Variants in ARL8B observed in about 807,000 individuals in gnomAD.
ARL8B encodes the protein ADP-ribosylation factor-like protein 8B.
A neutral mutation model predicts 30.6 loss-of-function variants in ARL8B; 9 were observed. That is an observed-to-expected ratio of 0.29 (90% CI 0.18 to 0.51). The LOEUF (loss-of-function observed/expected upper bound fraction) is 0.51. Ranked by LOEUF, ARL8B falls within the 20% of genes least tolerant of loss-of-function variation. The pLI is 0.97. For missense variants in ARL8B, 130 were observed against 227.2 expected, an observed-to-expected ratio of 0.57 and a Z score of 2.75; for synonymous variants, 74 against 76.0, an observed-to-expected ratio of 0.97 and a Z score of 0.14.
At chr3:5,154,954 C>A (rs6798707) in intron 1 of ARL8B, among the ~76,000 whole-genome samples, 1 of 151,896 alleles carries the variant, frequency 6.6e-6, no homozygotes, top group Non-Finnish European at 1.5e-5. Context: ...AGGCTGGTCT[C>A]GAACTCCTGA....
chr3:5,152,745 G>T (rs1210690705), intron 1 of ARL8B, among the ~76,000 whole-genome samples: 11 of 152,170 alleles, frequency 7.2e-5, no homozygotes, highest in Non-Finnish European at 1.6e-4. Context: ...CTAGGCCTCT[G>T]AAAGTGCTGG....
intron 1 of ARL8B, among the ~76,000 whole-genome samples, chr3:5,137,623 GA>G (rs1405080998): frequency 6.6e-6 from 1 of 152,022 alleles, no homozygotes; most frequent in Non-Finnish European, 1.5e-5. Context: ...ATTTTTAGTA[GA>G]GACAGGGTTT....
At chr3:5,158,498 A>G (rs920810406) in intron 1 of ARL8B, among the ~76,000 whole-genome samples, 4 of 152,162 alleles carry the variant, frequency 2.6e-5, no homozygotes, top group Non-Finnish European at 5.9e-5. Flanking sequence ...GACTGTGGTT[A>G]TCTCCATTTT....
intron 1 of ARL8B, 30 bp downstream of exon 1, chr3:5,122,618 G>C: frequency 1.9e-6 from 3 of 1,579,624 alleles, no homozygotes; most frequent in Non-Finnish European, 2.6e-6. Context: ...CTCGCCCGGG[G>C]CTCCGCAGCC....
chr3:5,175,156 C>T (rs1004672223), intron 6 of ARL8B, among the ~76,000 whole-genome samples: 1 of 151,948 alleles, frequency 6.6e-6, no homozygotes, highest in East Asian at 1.9e-4. Flanking sequence ...CACTTTTAAG[C>T]GAAATGACAT....
At chr3:5,174,470 T>C (rs2054707460) in intron 6 of ARL8B, 56 bp downstream of exon 6, 1 of 1,129,062 alleles carries the variant, frequency 8.9e-7, no homozygotes, top group Admixed American at 1.7e-5. Flanking sequence ...GGAATGTCTA[T>C]GCTTCTTACA....
intron 1 of ARL8B, among the ~76,000 whole-genome samples, chr3:5,127,235 A>T (rs2054238279): frequency 6.6e-6 from 1 of 152,236 alleles, no homozygotes; most frequent in African/African-American, 2.4e-5. Context: ...TTCGTAGCAG[A>T]GATAGAATTA....
intron 1 of ARL8B, among the ~76,000 whole-genome samples, chr3:5,161,070 C>A (rs1214827965): frequency 6.6e-6 from 1 of 152,194 alleles, no homozygotes; most frequent in Non-Finnish European, 1.5e-5. Context: ...CAGGCATGCC[C>A]CATCACACCT....
intron 1 of ARL8B, among the ~76,000 whole-genome samples, chr3:5,135,912 G>C (rs765058432): frequency 1.5e-4 from 22 of 151,076 alleles, no homozygotes; most frequent in Admixed American, 9.9e-4. Flanking sequence ...TCAGCCTCTC[G>C]AGTAGCTGGG....
intron 6 of ARL8B, among the ~76,000 whole-genome samples, chr3:5,176,365 G>A (rs2054729834): frequency 6.6e-6 from 1 of 152,034 alleles, no homozygotes; most frequent in Admixed American, 6.6e-5. Context: ...TGAGTAGCTG[G>A]GATTACAGTT....
chr3:5,168,505 G>A (rs2054643125), intron 1 of ARL8B, among the ~76,000 whole-genome samples: 1 of 152,226 alleles, frequency 6.6e-6, no homozygotes, highest in South Asian at 2.1e-4. Flanking sequence ...TGAGTTACAG[G>A]AAAGTTGTTA....
At position 5,163,212 on chromosome 3, in the gene ARL8B, CTT is replaced by C. The variant is rs780298854; in HGVS notation, c.124-7290_124-7289del. Among the ~76,000 whole-genome samples, 134 of 152,144 alleles carry C rather than the reference CTT, an allele frequency of 8.8e-4. 1 individual carries two copies. The highest frequency in any genetic ancestry group is 1.6e-3 in the Non-Finnish European group (107 of 67,984). On this transcript the variant is annotated intron_variant, in intron 1 of 6. Transcript: ENST00000256496. The stretch of plus-strand genomic sequence containing the variant: ...ATGTTGGCCAGGCTGGTCTCGAACT[CTT>C]GACCTCAGGTGATCCGCCCGCCTCA...
At chr3:5,157,757 C>T (rs1267583955) in intron 1 of ARL8B, 1 of 152,212 alleles carries the variant, frequency 6.6e-6, no homozygotes, top group Admixed American at 6.5e-5. Context: ...TATACACACA[C>T]ATACCTTATA....
chr3:5,127,432 C>T (rs2054239506), intron 1 of ARL8B, among the ~76,000 whole-genome samples: 1 of 152,118 alleles, frequency 6.6e-6, no homozygotes, highest in African/African-American at 2.4e-5. Flanking sequence ...ATAAGAAATA[C>T]AGACGTAATG....
At chr3:5,141,484 T>C (rs915529037) in intron 1 of ARL8B, among the ~76,000 whole-genome samples, 6 of 152,196 alleles carry the variant, frequency 3.9e-5, no homozygotes, top group Non-Finnish European at 7.3e-5. Context: ...TCTGTGCTAG[T>C]CCCCTCACAC....
At chr3:5,176,860 T>C (rs561432455) in intron 6 of ARL8B, among the ~76,000 whole-genome samples, 7 of 152,328 alleles carry the variant, frequency 4.6e-5, no homozygotes, top group Non-Finnish European at 1.0e-4. Context: ...CCCAGGAGAC[T>C]TGACAATGTC....
chr3:5,174,749 AATAT>A (rs1196232947), intron 6 of ARL8B, among the ~76,000 whole-genome samples: 3 of 143,906 alleles, frequency 2.1e-5, no homozygotes, highest in Non-Finnish European at 4.5e-5. Flanking sequence ...TGTAATATAT[AATAT>A]ATATAAATAT....
At chr3:5,130,903 T>C (rs562473845) in intron 1 of ARL8B, among the ~76,000 whole-genome samples, 55 of 152,234 alleles carry the variant, frequency 3.6e-4, no homozygotes, top group African/African-American at 1.2e-3. Context: ...CACACATAGT[T>C]AGGCCTGCCT....
intron 1 of ARL8B, among the ~76,000 whole-genome samples, chr3:5,156,192 C>T (rs541300983): frequency 5.9e-5 from 9 of 152,164 alleles, no homozygotes; most frequent in East Asian, 5.8e-4. Flanking sequence ...CGTCAGCCCC[C>T]GCACTTGGCC....
Sources: allele counts gnomAD v4.1 joint callset (sites outside exome capture counted in the v4.1 genomes callset), GRCh38; gene constraint gnomAD v4.1.1; transcripts MANE v1.5; gene names NCBI Gene and HGNC (gene_info 2026-07-23, HGNC 2026-07-21).